Variants in PHF24 observed in about 807,000 individuals in gnomAD.
The protein encoded by PHF24 is Galpha inhibitory interacting protein.
A neutral mutation model predicts 42.6 loss-of-function variants in PHF24; 25 were observed. The ratio of observed to expected loss-of-function variants is 0.59; its 90% confidence interval spans 0.43 to 0.82. The LOEUF (loss-of-function observed/expected upper bound fraction) is 0.82. Among genes scored for constraint, PHF24 ranks in the 40% least tolerant of loss-of-function variants. PHF24 has a pLI of 0.00. For synonymous variants in PHF24, 185 were observed against 204.8 expected (o/e 0.90, Z 0.83); for missense variants, 470 against 538.1 (o/e 0.87, Z 1.25).
At chr9:34,854,151 A>G in the PHF24 span, among the ~76,000 whole-genome samples, 1 of 133,782 alleles carries the variant, frequency 7.5e-6, no homozygotes, top group African/African-American at 2.7e-5. Context: ...GATTGTGTCT[A>G]TTTGGTTCTC....
At chr9:34,779,438 A>G in the PHF24 span, among the ~76,000 whole-genome samples, 6 of 152,198 alleles carry the variant, frequency 3.9e-5, no homozygotes, top group Non-Finnish European at 7.3e-5. Flanking sequence ...AATGCTCCCT[A>G]TATTAATCTA....
intron 1 of PHF24, among the ~76,000 whole-genome samples, chr9:34,966,387 A>G (rs903755381): frequency 3.9e-5 from 6 of 152,168 alleles, no homozygotes; most frequent in Admixed American, 3.3e-4. Flanking sequence ...AGAGTTATCA[A>G]CAAGTCTGGG....
chr9:34,910,066 A>G, the PHF24 span, among the ~76,000 whole-genome samples: 2 of 152,202 alleles, frequency 1.3e-5, no homozygotes, highest in Non-Finnish European at 1.5e-5. Flanking sequence ...TATCACTTAT[A>G]AAATTGTGGA....
At chr9:34,767,734 AC>A in the PHF24 span, among the ~76,000 whole-genome samples, 1 of 152,056 alleles carries the variant, frequency 6.6e-6, no homozygotes, top group Non-Finnish European at 1.5e-5. Context: ...ACTGTCTGGC[AC>A]TCCCTAGTGA....
the PHF24 span, among the ~76,000 whole-genome samples, chr9:34,711,461 G>A: frequency 2.0e-5 from 3 of 151,566 alleles, 1 homozygote; most frequent in South Asian, 4.2e-4. Context: ...TCGAACGCCT[G>A]ACCTCAAGCA....
At chr9:34,674,861 T>C in the PHF24 span, among the ~76,000 whole-genome samples, 1 of 152,116 alleles carries the variant, frequency 6.6e-6, no homozygotes, top group Non-Finnish European at 1.5e-5. Context: ...GGTGTTTTTG[T>C]TGTTGTTGTT....
chr9:34,688,106 A>G, the PHF24 span, among the ~76,000 whole-genome samples: 1 of 152,256 alleles, frequency 6.6e-6, no homozygotes, highest in Non-Finnish European at 1.5e-5. Context: ...GGAGAGGAAG[A>G]GGATGTCATG....
chr9:34,674,767 G>A, the PHF24 span, among the ~76,000 whole-genome samples: 1 of 152,248 alleles, frequency 6.6e-6, no homozygotes, highest in African/African-American at 2.4e-5. Flanking sequence ...TTGGCTGTGT[G>A]ATTGATTATG....
At chr9:34,787,515 TC>T in the PHF24 span, among the ~76,000 whole-genome samples, 1 of 152,168 alleles carries the variant, frequency 6.6e-6, no homozygotes, top group African/African-American at 2.4e-5. Flanking sequence ...TTCAGGGTTA[TC>T]TTGAAAGGAC....
chr9:34,960,363 A>G (rs1826547304), intron 1 of PHF24, among the ~76,000 whole-genome samples: 2 of 152,172 alleles, frequency 1.3e-5, no homozygotes, highest in Non-Finnish European at 1.5e-5. Flanking sequence ...AGAACAACAT[A>G]GTTTACCAGT....
chr9:34,937,283 T>G, the PHF24 span, among the ~76,000 whole-genome samples: 2 of 152,268 alleles, frequency 1.3e-5, no homozygotes, highest in East Asian at 3.9e-4. Flanking sequence ...CATGGGAGAC[T>G]TTTCATTTTG....
the PHF24 span, among the ~76,000 whole-genome samples, chr9:34,850,585 G>A: frequency 6.6e-6 from 1 of 152,202 alleles, no homozygotes; most frequent in African/African-American, 2.4e-5. Context: ...ATCATCTGAA[G>A]CCTTCTTCTC....
the PHF24 span, among the ~76,000 whole-genome samples, chr9:34,735,716 T>C: frequency 6.6e-6 from 1 of 151,700 alleles, no homozygotes; most frequent in Non-Finnish European, 1.5e-5. Context: ...GGAGAATCGC[T>C]TGAATCCGGG....
intron 3 of PHF24, 137 bp downstream of exon 3, chr9:34,972,668 C>T: frequency 2.7e-6 from 2 of 737,912 alleles, no homozygotes; most frequent in Non-Finnish European, 4.2e-6. Context: ...GTAATCCCAG[C>T]ACTTTGGGAG....
At chr9:34,686,840 C>T in the PHF24 span, among the ~76,000 whole-genome samples, 1 of 152,144 alleles carries the variant, frequency 6.6e-6, no homozygotes, top group Non-Finnish European at 1.5e-5. Context: ...CTGGTGGGCT[C>T]CTGGCCCACC....
the PHF24 span, among the ~76,000 whole-genome samples, chr9:34,763,902 C>T: frequency 6.6e-6 from 1 of 152,136 alleles, no homozygotes; most frequent in Non-Finnish European, 1.5e-5. Context: ...GAGTTTTTAG[C>T]ACGAAGGGTT....
chr9:34,772,808 A>G, the PHF24 span, among the ~76,000 whole-genome samples: 1 of 152,212 alleles, frequency 6.6e-6, no homozygotes, highest in Non-Finnish European at 1.5e-5. Flanking sequence ...CAATACCAGT[A>G]TAACCTCATG....
At chr9:34,889,286 A>G in the PHF24 span, 1 of 398,726 alleles carries the variant, frequency 2.5e-6, no homozygotes. Flanking sequence ...ATTTGAGGAC[A>G]GAGTTTGGAG....
At chr9:34,934,876 G>A in the PHF24 span, among the ~76,000 whole-genome samples, 1 of 152,192 alleles carries the variant, frequency 6.6e-6, no homozygotes, top group African/African-American at 2.4e-5. Flanking sequence ...AGCTTCTAGA[G>A]TAGTTGCAAC....
Sources: gnomAD v4.1 joint callset for allele counts (sites outside exome capture counted in the v4.1 genomes callset) on GRCh38, gnomAD v4.1.1 for gene constraint, MANE v1.5 for transcripts, NCBI Gene and HGNC (gene_info 2026-07-23, HGNC 2026-07-21) for gene names.